The following ANAPC1 variants were observed in gnomAD, a reference collection of about 807,000 sequenced individuals.
The protein encoded by ANAPC1 is anaphase-promoting complex subunit 1.
A neutral mutation model predicts 208.0 loss-of-function variants in ANAPC1; 36 were observed. That is an observed-to-expected ratio of 0.17 (90% CI 0.13 to 0.23). The LOEUF is 0.23. Among genes scored for constraint, ANAPC1 ranks in the 10% least tolerant of loss-of-function variants. ANAPC1 has a pLI of 1.00. For synonymous variants in ANAPC1, 378 were observed against 695.2 expected, an observed-to-expected ratio of 0.54 and a Z score of 7.18; for missense variants, 942 against 2,011.6, an observed-to-expected ratio of 0.47 and a Z score of 10.17.
chr2:111,844,569 CAAAA>C (rs11327163), intron 16 of ANAPC1, among the ~76,000 whole-genome samples: 1 of 127,650 alleles, frequency 7.8e-6, no homozygotes, highest in Non-Finnish European at 1.6e-5. Context: ...AACTCTGTCT[CAAAA>C]AAAAAAAAAA....
intron 11 of ANAPC1, among the ~76,000 whole-genome samples, chr2:111,858,038 G>A (rs1404625145): frequency 6.6e-6 from 1 of 152,060 alleles, no homozygotes; most frequent in African/African-American, 2.4e-5. Context: ...CCTGAGGCTG[G>A]AAATGGGAAC....
chr2:111,777,273 T>C (rs1405628813), intron 45 of ANAPC1, among the ~76,000 whole-genome samples: 1 of 152,108 alleles, frequency 6.6e-6, no homozygotes, highest in Non-Finnish European at 1.5e-5. Flanking sequence ...ATGAGCAGCT[T>C]GCAGGGAAAA....
chr2:111,788,257 G>A lies in ANAPC1; in HGVS notation c.4776C>T (p.Phe1592=). Residue 1592 remains phenylalanine (F), a synonymous_variant, in exon 39 of 48, where the codon TTC becomes TTT. Transcript: ENST00000341068. ...AALLCALYPH[F]PAHSTDNRYH... ...ACCGGTTGTCAGTGCTGTGAGCTGGGAAGTGCGGATAAAGGGCACAGAGAA... is the reference window on the plus strand; with the variant it reads ...ACCGGTTGTCAGTGCTGTGAGCTGGAAAGTGCGGATAAAGGGCACAGAGAA... 1 of 1,613,582 alleles carries A rather than the reference G, an allele frequency of 6.2e-7. No individual in the cohort carries two copies. The highest frequency in any genetic ancestry group is 8.5e-7 in the Non-Finnish European group (1 of 1,179,608).
chr2:111,832,908 A>C (rs550916569), intron 20 of ANAPC1, among the ~76,000 whole-genome samples: 4 of 138,864 alleles, frequency 2.9e-5, no homozygotes, highest in African/African-American at 8.1e-5. Flanking sequence ...ACTGCACCCC[A>C]GCCTGGGTGA....
chr2:111,859,283 G>C (rs1428253016), intron 10 of ANAPC1, among the ~76,000 whole-genome samples: 1 of 152,102 alleles, frequency 6.6e-6, no homozygotes, highest in Non-Finnish European at 1.5e-5. Context: ...AGGAGTTCAA[G>C]ACCAGCCTGA....
chr2:111,810,240 A>G (rs1187320243), intron 28 of ANAPC1, among the ~76,000 whole-genome samples: 1 of 151,804 alleles, frequency 6.6e-6, no homozygotes, highest in Non-Finnish European at 1.5e-5. Context: ...TGAAAGGTCC[A>G]GAAAAGGCAA....
chr2:111,792,878 G>A (rs1458650637), intron 37 of ANAPC1, among the ~76,000 whole-genome samples: 10 of 152,122 alleles, frequency 6.6e-5, no homozygotes, highest in Middle Eastern at 3.2e-3. Context: ...GCGTGAACCC[G>A]GGGTGCGGAG....
At chr2:111,773,681 G>A (rs1338121310) in intron 46 of ANAPC1, among the ~76,000 whole-genome samples, 2 of 151,556 alleles carry the variant, frequency 1.3e-5, no homozygotes, top group Non-Finnish European at 3.0e-5. Flanking sequence ...AATATGAGTT[G>A]GGCAGGTGAA....
intron 29 of ANAPC1, 128 bp downstream of exon 29, chr2:111,808,819 T>A (rs1463517592): frequency 5.1e-6 from 7 of 1,375,680 alleles, no homozygotes; most frequent in Non-Finnish European, 7.1e-6. Context: ...TAGTACTAGA[T>A]CATTCTTTGC....
Position 111,789,977 on chromosome 2 carries a change from A to G in ANAPC1, c.4713-1657T>C, listed in dbSNP as rs1471216595. Among the ~76,000 whole-genome samples, 5 of 151,620 alleles carry G rather than the reference A, an allele frequency of 3.3e-5. No individual in the cohort carries two copies. The South Asian group carries it at 6.2e-4, about 19-fold the overall frequency. On this transcript the variant is annotated intron_variant, in intron 38 of 47. Coordinates refer to ENST00000341068, the MANE Select transcript of ANAPC1 (RefSeq NM_022662.4). ...TGACCATTATTAATTCTAAACAATT[A>G]AAGAAAGACAATTCCACAAAACATG...
At chr2:111,791,362 C>A (rs1331854951) in intron 38 of ANAPC1, among the ~76,000 whole-genome samples, 1 of 149,736 alleles carries the variant, frequency 6.7e-6, no homozygotes, top group Non-Finnish European at 1.5e-5. Flanking sequence ...AAGTGCACTG[C>A]AGCACTGATG....
At chr2:111,832,516 C>T (rs1680203199) in intron 20 of ANAPC1, among the ~76,000 whole-genome samples, 7 of 152,114 alleles carry the variant, frequency 4.6e-5, no homozygotes, top group Admixed American at 4.6e-4. Context: ...GCACTAGCCC[C>T]ATGTGGCTAC....
chr2:111,848,131 C>T (rs570657301), intron 14 of ANAPC1, among the ~76,000 whole-genome samples: 45 of 152,012 alleles, frequency 3.0e-4, no homozygotes, highest in African/African-American at 1.0e-3. Flanking sequence ...CTGGATGACA[C>T]GGCAAGACCC....
intron 34 of ANAPC1, 148 bp from the exon 35 acceptor site, chr2:111,795,042 A>G (rs1678087431): frequency 1.3e-6 from 1 of 771,384 alleles, no homozygotes; most frequent in African/African-American, 1.7e-5. Context: ...CTATATTTTA[A>G]TCTCATTGAA....
intron 14 of ANAPC1, among the ~76,000 whole-genome samples, chr2:111,850,227 T>C (rs1484527276): frequency 6.7e-6 from 1 of 150,272 alleles, no homozygotes; most frequent in African/African-American, 2.4e-5. Context: ...GACTAGGAGA[T>C]GAAGATACAA....
chr2:111,817,322 T>C (rs1208297981), intron 27 of ANAPC1, among the ~76,000 whole-genome samples: 1 of 151,496 alleles, frequency 6.6e-6, no homozygotes, highest in African/African-American at 2.4e-5. Context: ...ATCACCCAGA[T>C]TGAATACATT....
chr2:111,789,849 T>C (rs1204554241), intron 38 of ANAPC1, among the ~76,000 whole-genome samples: 1 of 152,104 alleles, frequency 6.6e-6, no homozygotes, highest in Non-Finnish European at 1.5e-5. Flanking sequence ...TTTGGAACAA[T>C]GAAAGATGGG....
chr2:111,860,019 C>A (rs963716607), intron 10 of ANAPC1, among the ~76,000 whole-genome samples: 14 of 152,146 alleles, frequency 9.2e-5, no homozygotes, highest in African/African-American at 2.7e-4. Context: ...TACTGGGGGC[C>A]AGGCACAGTG....
Position 111,794,266 on chromosome 2 carries a change from A to C in ANAPC1, c.4431T>G (p.Ala1477=). 1 of 1,613,334 alleles carries C rather than the reference A, an allele frequency of 6.2e-7. No homozygotes were observed. Among genetic ancestry groups the C allele is most frequent in the Non-Finnish European group, 8.5e-7 (1 of 1,179,640 alleles). The change falls in exon 36 of 48, where the codon GCT becomes GCG. Residue 1477 remains alanine (A), a synonymous_variant. Transcript: ENST00000341068. ...TAAATGCTGATAAGTTTTCTGAGCC[A>C]GCAAATCGAAAACCCAGAGACAAGC... is the stretch of plus-strand genomic sequence containing the variant. ...GACLSLGFRF[A]GSENLSAFNC...
Sources: gnomAD v4.1 joint callset for allele counts (sites outside exome capture counted in the v4.1 genomes callset) on GRCh38, gnomAD v4.1.1 for gene constraint, MANE v1.5 for transcripts, NCBI Gene and HGNC (gene_info 2026-07-23, HGNC 2026-07-21) for gene names.